DEPDC1: variants seen among roughly 807,000 people sequenced by gnomAD.
The protein encoded by DEPDC1 is DEP domain-containing protein 1A.
A neutral mutation model predicts 86.8 loss-of-function variants in DEPDC1; 66 were observed. That is an observed-to-expected ratio of 0.76 (90% CI 0.62 to 0.93). DEPDC1 has a LOEUF of 0.93. Among genes scored for constraint, DEPDC1 ranks in the 40% least tolerant of loss-of-function variants. DEPDC1 has a pLI of 0.00. For synonymous variants in DEPDC1, 255 were observed against 314.9 expected, an observed-to-expected ratio of 0.81 and a Z score of 2.02; for missense variants, 792 against 935.7, an observed-to-expected ratio of 0.85 and a Z score of 2.00.
rs76654498 is a variant in DEPDC1, at chr1:68,492,941, G to A, written c.314+1489C>T. Among the ~76,000 whole-genome samples, 1,159 of 152,202 alleles carry A rather than the reference G, an allele frequency of 7.6e-3. 12 individuals are homozygous for A. Among genetic ancestry groups the A allele is most frequent in the African/African-American group, 0.027 (1,114 of 41,506 alleles). ...GAGGGTGATAGTCATTTTTCTATAT[G>A]GTTTATTTGAAGTGCCTTTCCAGGA... On this transcript the variant is annotated intron_variant, in intron 2 of 11. Transcript: ENST00000456315.
Position 68,482,822 on chromosome 1 carries a change from T to C in DEPDC1, c.986A>G (p.Lys329Arg), listed in dbSNP as rs771817464. The change falls in exon 8 of 12, where the codon AAA (lysine) becomes AGA (arginine). Residue 329 changes from lysine (K) to arginine (R), a missense_variant. Lys to Arg is a conservative substitution (Grantham distance 26). Coordinates refer to ENST00000456315, the MANE Select transcript of DEPDC1 (RefSeq NM_001114120.3). ...HKIQDDPQSS[K>R]FLHLNNLNSF... ...ATTCAAATTGTTTAAGTGAAGGAATTTTGAAGACTGTGGATCATCTTGAAT... is the reference window on the plus strand; with the variant it reads ...ATTCAAATTGTTTAAGTGAAGGAATCTTGAAGACTGTGGATCATCTTGAAT... 8 of 1,611,942 alleles carry C rather than the reference T, an allele frequency of 5.0e-6. No individual in the cohort carries two copies. The highest frequency in any genetic ancestry group is 8.5e-7 in the Non-Finnish European group (1 of 1,178,930).
In DEPDC1 at chr1:68,494,527, T is replaced by C. The variant is rs1465596711; in HGVS notation, c.217A>G (p.Ile73Val). ...TTAAGAAATTTCCTCAACAGTTGGATAGTCTGTTGCCTTGTAACTTCAGGA... is the reference window on the plus strand; with the variant it reads ...TTAAGAAATTTCCTCAACAGTTGGACAGTCTGTTGCCTTGTAACTTCAGGA... ...FGPEVTRQQT[I>V]QLLRKFLKNH... The change falls in exon 2 of 12, where the codon ATC becomes GTC. Residue 73 changes from isoleucine to valine, a missense_variant. By Grantham distance (29) the Ile-to-Val change is conservative (BLOSUM62 3). Transcript: ENST00000456315. 4 of 1,613,740 alleles carry C rather than the reference T, an allele frequency of 2.5e-6. No homozygotes were observed. In the South Asian group the frequency reaches 4.4e-5, roughly 18 times the overall value.
At chr1:68,477,659 T>C (rs1191733852) in intron 11 of DEPDC1, 128 bp downstream of exon 11, 3 of 549,654 alleles carry the variant, frequency 5.5e-6, no homozygotes, top group South Asian at 5.4e-5. Context: ...TCATAATATA[T>C]AGTCTATATA....
chr1:68,497,045 T>A lies in DEPDC1; in HGVS notation c.-46A>T, dbSNP rs1217518070. On this transcript the variant is annotated 5_prime_UTR_variant, in exon 1 of 12. Transcript: ENST00000456315. The stretch of plus-strand genomic sequence containing the variant: ...GCGTCCATGGCGGCGAAGGCGACAC[T>A]CAGGCCCAGCGGCCGCGGCAGTGGC... 6.2e-7 allele frequency: 1 copy of A among 1,604,238 alleles called. No homozygotes were observed. The highest frequency in any genetic ancestry group is 1.1e-5 in the South Asian group (1 of 90,752).
rs772279614 is a variant in DEPDC1 at position 68,477,762 on chromosome 1, A to G, written c.2298+25T>C. The G allele has an allele frequency of 1.2e-5, 17 of 1,390,476 alleles. No individual in the cohort carries two copies. In the Admixed American group the frequency reaches 1.9e-4, roughly 15 times the overall value. The allele number at this position is 1,390,476 out of a possible 1,614,324, so 86.1% of individuals were successfully genotyped here. A position where few individuals can be genotyped will look rare whatever the true frequency, so the allele number is the denominator to read the frequency against. On this transcript the variant is annotated intron_variant, in intron 11 of 11. Transcript: ENST00000456315. Reference sequence around the variant, plus strand: ...CAGCACATTAGAAAATGTTTACATGATTGAGAACTTGCTCATTCTCTTACC... The same window carrying G: ...CAGCACATTAGAAAATGTTTACATGGTTGAGAACTTGCTCATTCTCTTACC...
Position 68,484,035 on chromosome 1 carries a change from T to C in DEPDC1, c.825A>G (p.Val275=). 1 of 1,586,698 alleles carries C rather than the reference T, an allele frequency of 6.3e-7. No individual in the cohort carries two copies. Among genetic ancestry groups the C allele is most frequent in the East Asian group, 2.3e-5 (1 of 43,878 alleles). The change falls in exon 7 of 12, where the codon GTA becomes GTG. Residue 275 remains valine, a synonymous_variant. Coordinates refer to ENST00000456315, the MANE Select transcript of DEPDC1 (RefSeq NM_001114120.3). ...NPTYVGFERD[V]FRTIADYFLD... ...GAAAATAATCTGCGATTGTTCTGAA[T>C]ACATCTCGTTCAAATCCAACATAAG...
In DEPDC1 at chr1:68,474,314, T is replaced by C. The variant is rs750919393; in HGVS notation, c.*2618A>G. On this transcript the variant is annotated 3_prime_UTR_variant, in exon 12 of 12. Transcript: ENST00000456315. ...AGTTAGGTAGATACTTTAATTCACA[T>C]TTTACAGATGAGAAGATTCAGAGTT... is the stretch of plus-strand genomic sequence containing the variant. 2 of 152,108 alleles carry C rather than the reference T, an allele frequency of 1.3e-5. No homozygotes were observed. The highest frequency in any genetic ancestry group is 2.9e-5 in the Non-Finnish European group (2 of 68,000). The allele number at this position is 152,108 out of a possible 1,614,324, so 9.4% of individuals were successfully genotyped here.
intron 7 of DEPDC1, chr1:68,483,336 A>G: frequency 3.9e-6 from 2 of 516,636 alleles, no homozygotes; most frequent in South Asian, 2.8e-5. Context: ...GTTACTCATA[A>G]CAAGCCTATT....
intron 3 of DEPDC1, 96 bp downstream of exon 3, chr1:68,489,356 G>T (rs1033258498): frequency 4.5e-5 from 41 of 904,464 alleles, no homozygotes; most frequent in Admixed American, 3.2e-4. Flanking sequence ...TTCAGTTCTG[G>T]CTTTAAATAT....
chr1:68,497,030 C>A lies in DEPDC1; in HGVS notation c.-31G>T. 1 of 1,609,464 alleles carries A rather than the reference C, an allele frequency of 6.2e-7. No individual in the cohort carries two copies. Among genetic ancestry groups the A allele is most frequent in the Non-Finnish European group, 8.5e-7 (1 of 1,177,322 alleles). On this transcript the variant is annotated 5_prime_UTR_variant, in exon 1 of 12. Transcript: ENST00000456315. ...TGTCAGCGCCCGGTGGCGTCCATGG[C>A]GGCGAAGGCGACACTCAGGCCCAGC...
chr1:68,484,158 A>C, intron 6 of DEPDC1, 68 bp from the exon 7 acceptor site: 1 of 1,246,206 alleles, frequency 8.0e-7, no homozygotes, highest in Non-Finnish European at 1.1e-6. Flanking sequence ...TTAAACATAA[A>C]AAGTATAAAA....
In DEPDC1 at chr1:68,475,849, T is replaced by A. The variant is rs905554372; in HGVS notation, c.*1083A>T. The stretch of plus-strand genomic sequence containing the variant: ...TATAAAAAGCATTTAGGCCATTGAT[T>A]CTCACAGTTGGCTGAATATTGGAAT... On this transcript the variant is annotated 3_prime_UTR_variant, in exon 12 of 12. Coordinates refer to ENST00000456315, the MANE Select transcript of DEPDC1 (RefSeq NM_001114120.3). The A allele has an allele frequency of 3.9e-5, 6 of 151,902 alleles. No homozygotes were observed. The highest frequency in any genetic ancestry group is 5.9e-5 in the Non-Finnish European group (4 of 67,858). 9.4% of individuals were successfully genotyped at this position (151,902 alleles called of 1,614,324 possible). A position where few individuals can be genotyped will look rare whatever the true frequency, so the allele number is the denominator to read the frequency against.
intron 10 of DEPDC1, 151 bp from the exon 11 acceptor site, chr1:68,478,123 T>A: frequency 2.1e-6 from 1 of 468,276 alleles, no homozygotes; most frequent in Non-Finnish European, 3.5e-6. Context: ...TAGAGGTATG[T>A]AAGTCAGTAG....
chr1:68,482,233 G>A lies in DEPDC1; in HGVS notation c.1575C>T (p.Ile525=), dbSNP rs1646161463. 2.5e-6 allele frequency: 4 copies of A among 1,612,736 alleles called. No homozygotes were observed. Among genetic ancestry groups the A allele is most frequent in the Non-Finnish European group, 3.4e-6 (4 of 1,179,242 alleles). Reference sequence around the variant, plus strand: ...TGATAATTTCAGCCACTGGTGTATTGATATAACTATTCCTTCTTGTACTAC... The same window carrying A: ...TGATAATTTCAGCCACTGGTGTATTAATATAACTATTCCTTCTTGTACTAC... ...LRSSTRRNSY[I]NTPVAEIIMK... The change falls in exon 8 of 12, where the codon ATC becomes ATT. Residue 525 remains isoleucine (I), a synonymous_variant. Transcript: ENST00000456315.
chr1:68,491,862 G>C (rs189611989), intron 2 of DEPDC1, among the ~76,000 whole-genome samples: 1 of 151,832 alleles, frequency 6.6e-6, no homozygotes, highest in Non-Finnish European at 1.5e-5. Context: ...CAACCTCCCG[G>C]GCTCGGCCTC....
At chr1:68,483,907 A>G in intron 7 of DEPDC1, 43 bp downstream of exon 7, 1 of 1,240,800 alleles carries the variant, frequency 8.1e-7, no homozygotes, top group Admixed American at 2.8e-5. Context: ...GAAAGTTGAA[A>G]ACTTTAACAA....
At chr1:68,490,494 G>A (rs932872114) in intron 2 of DEPDC1, among the ~76,000 whole-genome samples, 6 of 152,086 alleles carry the variant, frequency 3.9e-5, no homozygotes, top group African/African-American at 1.4e-4. Flanking sequence ...TCTTCATCCA[G>A]TATACCACTG....
rs780143784 is a variant in DEPDC1, at chr1:68,482,792, A to C, written c.1016T>G (p.Phe339Cys). ...KFLHLNNLNS[F>C]KSTECLLLSL... ...GAGAAGAAGGCACTCAGTTGATTTG[A>C]AGGAATTCAAATTGTTTAAGTGAAG... The change falls in exon 8 of 12, where the codon TTC (phenylalanine) becomes TGC (cysteine). Residue 339 changes from phenylalanine (F) to cysteine (C), a missense_variant. Transcript: ENST00000456315. 4.3e-6 allele frequency: 7 copies of C among 1,612,512 alleles called. No individual in the cohort carries two copies. Among genetic ancestry groups the C allele is most frequent in the Non-Finnish European group, 5.9e-6 (7 of 1,179,168 alleles).
rs1379300758 is a variant in DEPDC1 at position 68,482,624 on chromosome 1, AT to A, written c.1183del (p.Ile395Ter). On this transcript the variant is annotated frameshift_variant, in exon 8 of 12. Coordinates refer to ENST00000456315, the MANE Select transcript of DEPDC1 (RefSeq NM_001114120.3). LOFTEE classifies it high-confidence loss of function. ...TAAATTATGACAACTTCCTCCCATT[AT>A]GTCATTAGCACTCACTCTTCTGTTT... is the stretch of plus-strand genomic sequence containing the variant. Reference protein sequence around the residue: ...LRNRRVSANDIMGGSCHNLIG... With the variant: ...LRNRRVSANDXMGGSCHNLIG... 1.9e-6 allele frequency: 3 copies of A among 1,612,612 alleles called. No homozygotes were observed. In the African/African-American group the frequency reaches 4.0e-5, roughly 22 times the overall value.
Sources: gnomAD v4.1 joint callset for allele counts (sites outside exome capture counted in the v4.1 genomes callset) on GRCh38, gnomAD v4.1.1 for gene constraint, MANE v1.5 for transcripts, NCBI Gene and HGNC (gene_info 2026-07-23, HGNC 2026-07-21) for gene names.